The following ROR1 variants were observed in gnomAD, a reference collection of about 807,000 sequenced individuals.
ROR1 encodes ROR family WNT receptor 1, also known as inactive tyrosine-protein kinase transmembrane receptor ROR1.
ROR1 carries 19 observed loss-of-function variants against 78.8 expected under a neutral mutation model. The ratio of observed to expected loss-of-function variants is 0.24; its 90% confidence interval spans 0.17 to 0.35. The LOEUF (loss-of-function observed/expected upper bound fraction) is 0.35. ROR1 is among the 10% of genes least tolerant of loss of function. The pLI, the probability that ROR1 is intolerant of heterozygous loss-of-function variation, is 1.00. For missense variants in ROR1, 917 were observed against 1,177.8 expected (o/e 0.78, Z 3.24); for synonymous variants, 386 against 433.6 (o/e 0.89, Z 1.36).
chr1:63,957,297 G>C (rs1420922087), intron 1 of ROR1, among the ~76,000 whole-genome samples: 2 of 152,138 alleles, frequency 1.3e-5, no homozygotes, highest in Admixed American at 1.3e-4. Flanking sequence ...TTTGGGTATG[G>C]GGGTCCCTCT....
intron 1 of ROR1, among the ~76,000 whole-genome samples, chr1:63,816,569 G>T (rs746811620): frequency 6.6e-5 from 10 of 152,128 alleles, no homozygotes; most frequent in Non-Finnish European, 1.3e-4. Flanking sequence ...CCAGTCTCGG[G>T]TGTGTCTTTA....
intron 2 of ROR1, among the ~76,000 whole-genome samples, chr1:64,041,522 C>G (rs924590006): frequency 1.3e-5 from 2 of 152,192 alleles, no homozygotes; most frequent in African/African-American, 4.8e-5. Context: ...GCTAACTGGG[C>G]TTCCTAAGGA....
At chr1:64,019,462 G>A (rs1044134928) in intron 2 of ROR1, among the ~76,000 whole-genome samples, 8 of 152,104 alleles carry the variant, frequency 5.3e-5, no homozygotes, top group Admixed American at 4.6e-4. Context: ...TATGTGAGAC[G>A]GCTAAGCACA....
chr1:63,816,305 C>G (rs749965987), intron 1 of ROR1, among the ~76,000 whole-genome samples: 1 of 152,154 alleles, frequency 6.6e-6, no homozygotes, highest in Non-Finnish European at 1.5e-5. Flanking sequence ...ATAACTCCCA[C>G]GTGTTGTGGG....
chr1:63,996,349 C>T (rs966872613), intron 1 of ROR1, among the ~76,000 whole-genome samples: 16 of 152,252 alleles, frequency 1.1e-4, no homozygotes, highest in South Asian at 8.3e-4. Context: ...ATGTTTTCCT[C>T]GATTTAACTT....
Position 64,142,527 on chromosome 1 carries a change from C to G in ROR1, c.1051C>G (p.Arg351Gly). 1 of 1,614,200 alleles carries G rather than the reference C, an allele frequency of 6.2e-7. No individual in the cohort carries two copies. The highest frequency in any genetic ancestry group is 8.5e-7 in the Non-Finnish European group (1 of 1,180,030). Reference protein sequence around the residue: ...YPHTHTFTALRFPELNGGHSY... With the variant: ...YPHTHTFTALGFPELNGGHSY... ...CCACACACACACTTTCACCGCCCTTCGTTTCCCAGAGCTGAATGGAGGCCA... is the reference window on the plus strand; with the variant it reads ...CCACACACACACTTTCACCGCCCTTGGTTTCCCAGAGCTGAATGGAGGCCA... The change falls in exon 7 of 9, where the codon CGT (arginine) becomes GGT (glycine). Residue 351 changes from arginine to glycine, a missense_variant. By Grantham distance (125) the Arg-to-Gly change is moderately radical (BLOSUM62 -2). Around this residue, in one of 3 missense-constraint regions of ROR1, gnomAD observed 835 missense variants for 1,069.8 expected, o/e 0.78. Transcript: ENST00000371079.
chr1:63,992,904 C>A (rs1646307439), intron 1 of ROR1, among the ~76,000 whole-genome samples: 1 of 152,102 alleles, frequency 6.6e-6, no homozygotes, highest in Non-Finnish European at 1.5e-5. Flanking sequence ...TCACAACTAC[C>A]CCTTATGAAT....
At chr1:63,884,523 G>A (rs757068278) in intron 1 of ROR1, among the ~76,000 whole-genome samples, 33 of 152,196 alleles carry the variant, frequency 2.2e-4, no homozygotes, top group Admixed American at 1.3e-4. Context: ...TCAAGGTCAC[G>A]CAGCTAGTTG....
intron 1 of ROR1, among the ~76,000 whole-genome samples, chr1:63,929,734 A>G (rs986255757): frequency 6.6e-6 from 1 of 152,212 alleles, no homozygotes; most frequent in African/African-American, 2.4e-5. Context: ...ACTAACATTT[A>G]CTAAAGGCTT....
chr1:63,938,625 A>T (rs1220821919), intron 1 of ROR1, among the ~76,000 whole-genome samples: 1 of 152,196 alleles, frequency 6.6e-6, no homozygotes, highest in African/African-American at 2.4e-5. Context: ...GAAGCCCATG[A>T]TATTAATCAC....
At chr1:64,142,305 T>C in intron 6 of ROR1, 100 bp from the exon 7 acceptor site, 1 of 1,519,138 alleles carries the variant, frequency 6.6e-7, no homozygotes, top group Non-Finnish European at 8.8e-7. Flanking sequence ...GGCCACGAGG[T>C]TAATTACCTG....
intron 1 of ROR1, among the ~76,000 whole-genome samples, chr1:63,802,140 T>A (rs1644801494): frequency 1.3e-5 from 2 of 152,336 alleles, no homozygotes; most frequent in South Asian, 4.1e-4. Context: ...TATACTCTTG[T>A]TTTATTAATT....
At chr1:63,983,722 C>T (rs1204410453) in intron 1 of ROR1, among the ~76,000 whole-genome samples, 1 of 152,102 alleles carries the variant, frequency 6.6e-6, no homozygotes, top group Non-Finnish European at 1.5e-5. Flanking sequence ...GGACAATGTC[C>T]TCATTCTTTA....
chr1:64,022,134 A>G (rs1266331097), intron 2 of ROR1, among the ~76,000 whole-genome samples: 1 of 152,266 alleles, frequency 6.6e-6, no homozygotes, highest in Non-Finnish European at 1.5e-5. Context: ...GAGTGAAAGA[A>G]GCCAGACCTA....
intron 1 of ROR1, among the ~76,000 whole-genome samples, chr1:63,813,100 C>T (rs1179496846): frequency 6.6e-6 from 1 of 151,486 alleles, no homozygotes; most frequent in East Asian, 1.9e-4. Flanking sequence ...ATCTTTTAAA[C>T]CATTTATGTG....
chr1:63,872,625 T>G (rs1239174474), intron 1 of ROR1, among the ~76,000 whole-genome samples: 1 of 152,186 alleles, frequency 6.6e-6, no homozygotes, highest in Non-Finnish European at 1.5e-5. Flanking sequence ...CAGCCTTTCT[T>G]GGCCTTTTCT....
At chr1:64,165,990 G>T (rs1650075729) in intron 8 of ROR1, among the ~76,000 whole-genome samples, 1 of 152,130 alleles carries the variant, frequency 6.6e-6, no homozygotes, top group Non-Finnish European at 1.5e-5. Context: ...ACAGGCATGA[G>T]CCACTAGGGT....
At chr1:64,153,810 C>G (rs374921675) in intron 7 of ROR1, among the ~76,000 whole-genome samples, 1 of 152,020 alleles carries the variant, frequency 6.6e-6, no homozygotes, top group African/African-American at 2.4e-5. Flanking sequence ...TGAAAAAGTT[C>G]TGGAGATTGG....
intron 1 of ROR1, among the ~76,000 whole-genome samples, chr1:63,973,957 T>A (rs1646138170): frequency 6.6e-6 from 1 of 152,188 alleles, no homozygotes; most frequent in African/African-American, 2.4e-5. Flanking sequence ...TAAAAAAGAT[T>A]TCAAAGTTAT....
Sources: gnomAD v4.1 joint callset for allele counts (sites outside exome capture counted in the v4.1 genomes callset) on GRCh38, gnomAD v4.1.1 for gene constraint, gnomAD v4.1.1 regional missense constraint, MANE v1.5 for transcripts, NCBI Gene and HGNC (gene_info 2026-07-23, HGNC 2026-07-21) for gene names.